Variants in FOXP1 observed in about 807,000 individuals in gnomAD.
The protein encoded by FOXP1 is forkhead box protein P1.
A neutral mutation model predicts 98.2 loss-of-function variants in FOXP1; 15 were observed. That is an observed-to-expected ratio of 0.15 (90% confidence interval 0.10 to 0.24). FOXP1 has a LOEUF of 0.24. Ranked by LOEUF, FOXP1 falls within the 10% of genes least tolerant of loss-of-function variation. FOXP1 has a pLI of 1.00. For missense variants in FOXP1, 633 were observed against 848.5 expected (o/e 0.75, Z 3.15); for synonymous variants, 371 against 314.5 (o/e 1.18, Z -1.90).
At chr3:71,465,988 C>G (rs1027927752) in intron 3 of FOXP1, among the ~76,000 whole-genome samples, 1 of 152,184 alleles carries the variant, frequency 6.6e-6, no homozygotes, top group Non-Finnish European at 1.5e-5. Context: ...CTACCCCCAA[C>G]CCCTCGCATC....
chr3:71,240,333 G>C (rs2067148710), intron 5 of FOXP1, among the ~76,000 whole-genome samples: 1 of 152,232 alleles, frequency 6.6e-6, no homozygotes. Context: ...GCAGTGTACT[G>C]GCCAAAGGCC....
intron 7 of FOXP1, among the ~76,000 whole-genome samples, chr3:71,108,702 T>G (rs1387891333): frequency 6.6e-6 from 1 of 152,050 alleles, no homozygotes; most frequent in Non-Finnish European, 1.5e-5. Context: ...AAGACGGAGG[T>G]TGCAGTGAGC....
At chr3:71,040,372 G>A (rs965699053) in intron 11 of FOXP1, 5 of 151,974 alleles carry the variant, frequency 3.3e-5, no homozygotes, top group South Asian at 4.2e-4. Context: ...CTACTTTTAC[G>A]GTTTCTTTAC....
At chr3:71,526,743 G>C (rs145984438) in intron 2 of FOXP1, among the ~76,000 whole-genome samples, 2 of 152,082 alleles carry the variant, frequency 1.3e-5, no homozygotes, top group East Asian at 3.9e-4. Flanking sequence ...CGAGGTGGGC[G>C]GATCACCCAA....
chr3:71,168,630 A>T (rs1231339357), intron 6 of FOXP1, among the ~76,000 whole-genome samples: 1 of 152,266 alleles, frequency 6.6e-6, no homozygotes. Context: ...CAGGAAAAGA[A>T]GCTGGGAAAA....
chr3:71,292,411 T>G (rs1231338059), intron 5 of FOXP1: 2 of 152,258 alleles, frequency 1.3e-5, no homozygotes, highest in African/African-American at 4.8e-5. Context: ...CTCAGATCAC[T>G]GTAACCTCTG....
intron 3 of FOXP1, among the ~76,000 whole-genome samples, chr3:71,387,082 C>T (rs901714513): frequency 6.6e-6 from 1 of 152,202 alleles, no homozygotes; most frequent in African/African-American, 2.4e-5. Context: ...AGCCAGAAAT[C>T]CCCTAACCCA....
chr3:71,542,518 G>A (rs1222402097), intron 2 of FOXP1, among the ~76,000 whole-genome samples: 1 of 152,252 alleles, frequency 6.6e-6, no homozygotes, highest in African/African-American at 2.4e-5. Context: ...TGAGGCACTT[G>A]AGTGCATTCC....
intron 5 of FOXP1, among the ~76,000 whole-genome samples, chr3:71,284,041 A>G (rs1192295061): frequency 1.3e-5 from 2 of 152,232 alleles, no homozygotes; most frequent in Non-Finnish European, 2.9e-5. Context: ...ATTTGTAATG[A>G]AAGAATTAAA....
chr3:70,980,009 C>A (rs897260280), intron 14 of FOXP1, among the ~76,000 whole-genome samples: 3 of 151,884 alleles, frequency 2.0e-5, no homozygotes, highest in Non-Finnish European at 2.9e-5. Flanking sequence ...ACAATGCCTG[C>A]GAAGAGCAAG....
chr3:71,486,568 C>T (rs753614105), intron 3 of FOXP1, among the ~76,000 whole-genome samples: 17 of 152,118 alleles, frequency 1.1e-4, no homozygotes, highest in Non-Finnish European at 1.9e-4. Context: ...GTCACTCTTC[C>T]GCACTCTGCT....
chr3:71,319,049 T>C (rs560663925), intron 4 of FOXP1, among the ~76,000 whole-genome samples: 21 of 152,356 alleles, frequency 1.4e-4, no homozygotes, highest in African/African-American at 5.1e-4. Context: ...CTCTGTTCCC[T>C]ATAGTTGTAC....
At chr3:71,306,113 A>G (rs1452462587) in intron 4 of FOXP1, 1 of 152,192 alleles carries the variant, frequency 6.6e-6, no homozygotes, top group Non-Finnish European at 1.5e-5. Flanking sequence ...GCATAAACAC[A>G]AACACTCAGC....
At chr3:71,324,583 A>G (rs1007947943) in intron 4 of FOXP1, among the ~76,000 whole-genome samples, 7 of 146,822 alleles carry the variant, frequency 4.8e-5, no homozygotes, top group African/African-American at 1.7e-4. Flanking sequence ...ACTTGGACAC[A>G]GGGTGGGGAA....
chr3:71,362,325 T>C (rs79922194), intron 3 of FOXP1, among the ~76,000 whole-genome samples: 11 of 152,070 alleles, frequency 7.2e-5, no homozygotes, highest in Admixed American at 1.3e-4. Flanking sequence ...GTGCCCACTG[T>C]AATGCCCAGC....
chr3:71,424,160 G>A (rs921299790), intron 3 of FOXP1, among the ~76,000 whole-genome samples: 1 of 152,094 alleles, frequency 6.6e-6, no homozygotes, highest in East Asian at 1.9e-4. Context: ...ACAAAGAACT[G>A]CGCTGAAGGA....
intron 12 of FOXP1, among the ~76,000 whole-genome samples, chr3:71,002,315 C>G (rs910372684): frequency 6.6e-6 from 1 of 152,176 alleles, no homozygotes; most frequent in Non-Finnish European, 1.5e-5. Context: ...GTTCTTCATA[C>G]TTATTCATCT....
intron 7 of FOXP1, among the ~76,000 whole-genome samples, chr3:71,075,575 C>T (rs2053716827): frequency 6.6e-6 from 1 of 152,196 alleles, no homozygotes; most frequent in Non-Finnish European, 1.5e-5. Context: ...GAATCATCTA[C>T]AAGAGGCAAA....
chr3:71,116,652 T>C (rs1037676291), intron 6 of FOXP1, among the ~76,000 whole-genome samples: 4 of 152,200 alleles, frequency 2.6e-5, no homozygotes, highest in African/African-American at 4.8e-5. Flanking sequence ...CATTTAAAAA[T>C]TGCCTTAGGT....
Sources: gnomAD v4.1 joint callset for allele counts (sites outside exome capture counted in the v4.1 genomes callset) on GRCh38, gnomAD v4.1.1 for gene constraint, MANE v1.5 for transcripts, NCBI Gene and HGNC (gene_info 2026-07-23, HGNC 2026-07-21) for gene names.